The following SMARCA4 variants were observed in gnomAD, a reference collection of about 807,000 sequenced individuals.
SMARCA4 encodes the protein SWI/SNF related BAF chromatin remodeling complex subunit ATPase 4.
Under a neutral mutation model 193.9 loss-of-function variants are expected in SMARCA4, and 31 were observed. The observed-to-expected ratio is 0.16, with a 90% CI of 0.12 to 0.22. The LOEUF is 0.22. Among genes scored for constraint, SMARCA4 ranks in the 10% least tolerant of loss-of-function variants. The pLI, the probability that SMARCA4 is intolerant of heterozygous loss-of-function variation, is 1.00. For synonymous variants in SMARCA4, 942 were observed against 933.1 expected, an observed-to-expected ratio of 1.01 and a Z score of -0.17; for missense variants, 1,148 against 2,296.0, an observed-to-expected ratio of 0.50 and a Z score of 10.22.
At chr19:10,967,253 AT>A (rs1599796227) in intron 1 of SMARCA4, among the ~76,000 whole-genome samples, 1 of 152,062 alleles carries the variant, frequency 6.6e-6, no homozygotes, top group East Asian at 1.9e-4. Context: ...GGACACATTG[AT>A]TTCCCTCCAA....
chr19:11,032,669 A>G (rs1190563339), intron 25 of SMARCA4: 1 of 154,876 alleles, frequency 6.5e-6, no homozygotes, highest in African/African-American at 2.4e-5. Context: ...TTTGTCTCAA[A>G]AAAAAAAAAA....
At chr19:10,972,072 C>T (rs947863666) in intron 1 of SMARCA4, among the ~76,000 whole-genome samples, 12 of 151,920 alleles carry the variant, frequency 7.9e-5, no homozygotes, top group Admixed American at 4.6e-4. Flanking sequence ...TCTCCTGTCC[C>T]AGCCCCCACA....
chr19:11,030,361 G>T lies in SMARCA4; in HGVS notation c.3383-369G>T, dbSNP rs909183889. Among the ~76,000 whole-genome samples, 2 of 152,252 alleles carry T rather than the reference G, an allele frequency of 1.3e-5. No individual in the cohort carries two copies. The highest frequency in any genetic ancestry group is 1.3e-4 in the Admixed American group (2 of 15,292). The stretch of plus-strand genomic sequence containing the variant: ...GCCGCTGTGTCTTCCGCTCCCCATG[G>T]AATGGCACAGGGTAGAGTAGAGGAG... On this transcript the variant is annotated intron_variant, in intron 24 of 34. Transcript: ENST00000344626. This position sits in a 1 kb window ranked among gnomAD's most constrained non-coding sequence, Gnocchi z 5.5.
rs1245520900 is a variant in SMARCA4 at position 11,033,530 on chromosome 19, C to G, written c.3774+13C>G. 6.3e-7 allele frequency: 1 copy of G among 1,596,944 alleles called. No individual in the cohort carries two copies. On this transcript the variant is annotated intron_variant, in intron 26 of 34. Coordinates refer to ENST00000344626, the MANE Select transcript of SMARCA4 (RefSeq NM_003072.5). The surrounding 1 kb of genome is among the most constrained non-coding windows in gnomAD (Gnocchi z 9.8). ...GGAGCAGGATGAGGTGAGCCCAGCA[C>G]CGGCCCCGACCCCTCCCCAGCGTGA...
At chr19:11,052,335 A>G (rs2076307389) in intron 30 of SMARCA4, among the ~76,000 whole-genome samples, 1 of 152,148 alleles carries the variant, frequency 6.6e-6, no homozygotes, top group African/African-American at 2.4e-5. Context: ...CCAACGCGGG[A>G]AAATCACGTG....
In SMARCA4 at chr19:11,001,483, G is replaced by A. The variant is rs1263688842; in HGVS notation, c.1813-1546G>A. ...AAAAGTAAATTAAAAATCTTAAAAAGCGAGGATGCCCAAGCCTCACTCCAG... is the reference window on the plus strand; with the variant it reads ...AAAAGTAAATTAAAAATCTTAAAAAACGAGGATGCCCAAGCCTCACTCCAG... On this transcript the variant is annotated intron_variant, in intron 11 of 34. Coordinates refer to ENST00000344626, the MANE Select transcript of SMARCA4 (RefSeq NM_003072.5). 3.3e-5 allele frequency among the ~76,000 whole-genome samples: 5 copies of A among 152,238 alleles called. No homozygotes were observed. The East Asian group carries it at 7.7e-4, about 23-fold the overall frequency.
At chr19:11,000,708 G>T (rs915421775) in intron 11 of SMARCA4, among the ~76,000 whole-genome samples, 26 of 152,034 alleles carry the variant, frequency 1.7e-4, no homozygotes, top group African/African-American at 5.8e-4. Context: ...GTGAAACCCA[G>T]TCTCTACTAA....
Position 11,005,118 on chromosome 19 carries a change from G to A in SMARCA4, c.2001+1721G>A, listed in dbSNP as rs927352374. Among the ~76,000 whole-genome samples, 99 of 152,324 alleles carry A rather than the reference G, an allele frequency of 6.5e-4. 2 individuals are homozygous for A. The highest frequency in any genetic ancestry group is 2.4e-3 in the African/African-American group (98 of 41,574). On this transcript the variant is annotated intron_variant, in intron 13 of 34. Coordinates refer to ENST00000344626, the MANE Select transcript of SMARCA4 (RefSeq NM_003072.5). ...CCCAAAGTGTTGGGATTACAGGCGT[G>A]AGCCACCACGCCTGGCCTCTCCTAT...
intron 1 of SMARCA4, among the ~76,000 whole-genome samples, chr19:10,981,501 T>A (rs1364843654): frequency 6.6e-6 from 1 of 152,250 alleles, no homozygotes; most frequent in African/African-American, 2.4e-5. Flanking sequence ...AGATTTTGCC[T>A]CCAGATGAAT....
intron 11 of SMARCA4, among the ~76,000 whole-genome samples, chr19:10,997,655 A>T (rs1359178746): frequency 3.3e-5 from 5 of 151,508 alleles, no homozygotes; most frequent in Non-Finnish European, 5.9e-5. Flanking sequence ...TTCTATAGAG[A>T]CGGGGGTTCC....
intron 9 of SMARCA4, 104 bp from the exon 10 acceptor site, chr19:10,996,109 T>G: frequency 8.8e-7 from 1 of 1,142,072 alleles, no homozygotes; most frequent in Non-Finnish European, 1.3e-6. Flanking sequence ...GGCACCCGCG[T>G]GAGCTACGCG....
rs2089692702 is a variant in SMARCA4 at position 11,019,748 on chromosome 19, C to CA, written c.2616+48dup. 7.7e-7 allele frequency: 1 copy of CA among 1,303,520 alleles called. No homozygotes were observed. Among genetic ancestry groups the CA allele is most frequent in the Non-Finnish European group, 1.1e-6 (1 of 904,832 alleles). The allele number at this position is 1,303,520 out of a possible 1,614,324, so 80.7% of individuals were successfully genotyped here. A position where few individuals can be genotyped will look rare whatever the true frequency, so the allele number is the denominator to read the frequency against. ...TGCCAGGCCATGGGCCGAGTGCTCA[C>CA]ACGTGGGTCACGCTGCCCGTCTCCT... On this transcript the variant is annotated intron_variant, in intron 18 of 34. Coordinates refer to ENST00000344626, the MANE Select transcript of SMARCA4 (RefSeq NM_003072.5). The surrounding 1 kb of genome is among the most constrained non-coding windows in gnomAD (Gnocchi z 6.1).
At chr19:10,996,634 T>C (rs2087082453) in intron 11 of SMARCA4, 90 bp downstream of exon 11, 1 of 1,245,152 alleles carries the variant, frequency 8.0e-7, no homozygotes, top group African/African-American at 1.5e-5. Flanking sequence ...CTTTTAAAAT[T>C]ACGAACAATG....
chr19:11,022,101 G>GC, intron 19 of SMARCA4, 134 bp downstream of exon 19: 1 of 1,382,350 alleles, frequency 7.2e-7, no homozygotes, highest in African/African-American at 1.4e-5. Context: ...TCTGCATGGA[G>GC]CAGGGGAGCC....
chr19:10,984,017 C>T lies in SMARCA4; in HGVS notation c.-31-104C>T. ...GGCTGGTGGGGAAGGTACTGGCTTCCTGTGGGATGTAGATTCTGATGTGAC... is the reference window on the plus strand; with the variant it reads ...GGCTGGTGGGGAAGGTACTGGCTTCTTGTGGGATGTAGATTCTGATGTGAC... On this transcript the variant is annotated intron_variant, in intron 1 of 34. Coordinates refer to ENST00000344626, the MANE Select transcript of SMARCA4 (RefSeq NM_003072.5). This position sits in a 1 kb window ranked among gnomAD's most constrained non-coding sequence, Gnocchi z 4.3. 1 of 847,718 alleles carries T rather than the reference C, an allele frequency of 1.2e-6. No individual in the cohort carries two copies. The highest frequency in any genetic ancestry group is 2.0e-6 in the Non-Finnish European group (1 of 512,214). The allele number at this position is 847,718 out of a possible 1,614,324, so 52.5% of individuals were successfully genotyped here.
intron 14 of SMARCA4, chr19:11,008,408 G>A: frequency 2.9e-6 from 1 of 350,846 alleles, no homozygotes; most frequent in Non-Finnish European, 5.6e-6. Context: ...GTCTTCATTT[G>A]CATACATATC....
intron 16 of SMARCA4, 41 bp from the exon 17 acceptor site, chr19:11,018,916 T>G: frequency 5.3e-5 from 83 of 1,562,888 alleles, no homozygotes; most frequent in Non-Finnish European, 6.8e-5. Context: ...GAGCCATTGA[T>G]GAGAGACCGG....
chr19:10,999,618 A>G (rs753437789), intron 11 of SMARCA4, among the ~76,000 whole-genome samples: 5 of 152,124 alleles, frequency 3.3e-5, no homozygotes, highest in Non-Finnish European at 5.9e-5. Context: ...TAATCTCACC[A>G]TTGCACTCCA....
At chr19:10,995,137 G>T (rs1243057782) in intron 9 of SMARCA4, 136 bp downstream of exon 9, 13 of 822,930 alleles carry the variant, frequency 1.6e-5, no homozygotes, top group Non-Finnish European at 2.0e-5. Context: ...AAAAGAGCAG[G>T]CGCGGGCTTG....
Sources: allele counts gnomAD v4.1 joint callset (sites outside exome capture counted in the v4.1 genomes callset), GRCh38; gene constraint gnomAD v4.1.1; non-coding constraint Gnocchi (gnomAD v3.1); transcripts MANE v1.5; gene names NCBI Gene and HGNC (gene_info 2026-07-23, HGNC 2026-07-21).